NELL1: variants seen among roughly 807,000 people sequenced by gnomAD.
NELL1 encodes neural EGFL like 1, also known as protein kinase C-binding protein NELL1.
NELL1 carries 76 observed loss-of-function variants against 107.4 expected under a neutral mutation model. The ratio of observed to expected loss-of-function variants is 0.71; its 90% confidence interval spans 0.59 to 0.86. The LOEUF is 0.86. Among genes scored for constraint, NELL1 ranks in the 40% least tolerant of loss-of-function variants. The probability of loss-of-function intolerance (pLI) is 0.00; values close to 1 mark genes in which losing one functional copy is unlikely to be tolerated. For missense variants in NELL1, 1,024 were observed against 1,005.5 expected (o/e 1.02, Z -0.25); for synonymous variants, 353 against 341.2 (o/e 1.03, Z -0.38).
intron 3 of NELL1, among the ~76,000 whole-genome samples, chr11:20,810,711 C>G (rs572889818): frequency 6.6e-6 from 1 of 152,240 alleles, no homozygotes; most frequent in East Asian, 1.9e-4. Flanking sequence ...ATAATGACCT[C>G]TTTTCCTCTG....
chr11:21,118,496 T>A (rs1166679300), intron 13 of NELL1, among the ~76,000 whole-genome samples: 1 of 152,112 alleles, frequency 6.6e-6, no homozygotes, highest in Non-Finnish European at 1.5e-5. Context: ...CCATTTTTTA[T>A]AGGCAAAGAA....
At chr11:21,464,638 G>T (rs1853982167) in intron 15 of NELL1, among the ~76,000 whole-genome samples, 1 of 152,014 alleles carries the variant, frequency 6.6e-6, no homozygotes, top group Non-Finnish European at 1.5e-5. Flanking sequence ...CTTTATAAAA[G>T]ATTATTAAAT....
At chr11:21,269,192 A>G (rs1848692016) in intron 14 of NELL1, among the ~76,000 whole-genome samples, 1 of 152,138 alleles carries the variant, frequency 6.6e-6, no homozygotes, top group Admixed American at 6.6e-5. Context: ...GTGTAAATGC[A>G]TATAGTGGGA....
At chr11:20,925,312 G>A (rs781024712) in intron 7 of NELL1, among the ~76,000 whole-genome samples, 6 of 151,894 alleles carry the variant, frequency 4.0e-5, no homozygotes, top group South Asian at 2.1e-4. Context: ...ATGGAGTATC[G>A]CTCTGTTGCC....
chr11:21,262,009 G>A (rs1791822), intron 14 of NELL1, among the ~76,000 whole-genome samples: 55,428 of 151,508 alleles, frequency 0.37, 10,931 homozygotes, highest in Non-Finnish European at 0.45. Flanking sequence ...ATGTTATTAC[G>A]ATTGTGCGTG....
chr11:20,801,112 C>T (rs560178160), intron 3 of NELL1, among the ~76,000 whole-genome samples: 1 of 152,286 alleles, frequency 6.6e-6, no homozygotes, highest in Admixed American at 6.5e-5. Context: ...ACCATAAGGT[C>T]ATGTGTCAAT....
intron 3 of NELL1, among the ~76,000 whole-genome samples, chr11:20,837,907 A>G (rs1423915824): frequency 6.6e-6 from 1 of 152,116 alleles, no homozygotes; most frequent in Non-Finnish European, 1.5e-5. Context: ...TTTCATTTCA[A>G]TATTCCATCC....
intron 15 of NELL1, among the ~76,000 whole-genome samples, chr11:21,449,216 G>A (rs1374508888): frequency 6.6e-6 from 1 of 152,078 alleles, no homozygotes; most frequent in African/African-American, 2.4e-5. Flanking sequence ...ATGTCAACCT[G>A]GGGTACAGTC....
In NELL1 at chr11:20,975,748, A is replaced by AATATACATATTATATATGTATTATATG. The variant is rs1446561411; in HGVS notation, c.1300+15242_1300+15268dup. ...GTATTATATAATGTATGTATTATAT[A>AATATACATATTATATATGTATTATATG]ATATACATATTATATATGTATTATA... On this transcript the variant is annotated intron_variant, in intron 12 of 19. Transcript: ENST00000357134. 5.9e-3 allele frequency among the ~76,000 whole-genome samples: 546 copies of AATATACATATTATATATGTATTATATG among 92,274 alleles called. 9 individuals carry two copies. Among genetic ancestry groups the AATATACATATTATATATGTATTATATG allele is most frequent in the Middle Eastern group, 0.013 (1 of 80 alleles). 60.5% of individuals were successfully genotyped at this position (92,274 alleles called of 152,430 possible).
chr11:20,776,387 C>T (rs940421603), intron 2 of NELL1, among the ~76,000 whole-genome samples: 2 of 152,010 alleles, frequency 1.3e-5, no homozygotes, highest in East Asian at 3.9e-4. Context: ...TGCAGTGAGC[C>T]AAGATCACAC....
At chr11:21,481,734 G>T (rs947697378) in intron 15 of NELL1, among the ~76,000 whole-genome samples, 2 of 152,154 alleles carry the variant, frequency 1.3e-5, no homozygotes, top group African/African-American at 4.8e-5. Context: ...GCTGACTGTA[G>T]GATTGCCTGG....
At chr11:21,448,886 C>T (rs569025471) in intron 15 of NELL1, among the ~76,000 whole-genome samples, 38 of 152,100 alleles carry the variant, frequency 2.5e-4, no homozygotes, top group African/African-American at 6.0e-4. Context: ...TTGCTTCTAT[C>T]GATAGCTTAT....
At chr11:21,309,286 A>ATATATGTGTATATATATATATATATG (rs1849687893) in intron 14 of NELL1, among the ~76,000 whole-genome samples, 1 of 109,206 alleles carries the variant, frequency 9.2e-6, no homozygotes, top group African/African-American at 4.4e-5. Context: ...ATATGTATAT[A>ATATATGTGTATATATATATATATATG]TATATATATA....
At position 20,790,956 on chromosome 11, in the gene NELL1, A is replaced by G. The variant is rs747455936; in HGVS notation, c.335+7126A>G. Among the ~76,000 whole-genome samples, 190 of 152,340 alleles carry G rather than the reference A, an allele frequency of 1.2e-3. 2 individuals are homozygous for G. Among genetic ancestry groups the G allele is most frequent in the Non-Finnish European group, 1.1e-3 (78 of 68,030 alleles). ...ATTTCATTGATCTATATGTTTATCCATATGGAAGTGCTGTTTGATTATTGC... is the reference window on the plus strand; with the variant it reads ...ATTTCATTGATCTATATGTTTATCCGTATGGAAGTGCTGTTTGATTATTGC... On this transcript the variant is annotated intron_variant, in intron 3 of 19. Coordinates refer to ENST00000357134, the MANE Select transcript of NELL1 (RefSeq NM_006157.5).
chr11:20,912,580 G>C (rs1850155773), intron 5 of NELL1, among the ~76,000 whole-genome samples: 1 of 152,080 alleles, frequency 6.6e-6, no homozygotes, highest in African/African-American at 2.4e-5. Context: ...AGGCCTCAGG[G>C]AGACTTCATT....
At chr11:20,920,997 T>A (rs1191259529) in intron 7 of NELL1, among the ~76,000 whole-genome samples, 1 of 152,144 alleles carries the variant, frequency 6.6e-6, no homozygotes, top group Non-Finnish European at 1.5e-5. Context: ...ACTTCCATCT[T>A]TGCTGTGTAA....
At chr11:20,829,692 T>A (rs1344099720) in intron 3 of NELL1, among the ~76,000 whole-genome samples, 1 of 152,174 alleles carries the variant, frequency 6.6e-6, no homozygotes, top group African/African-American at 2.4e-5. Context: ...GACTTTCCTA[T>A]CTTCATGACT....
intron 5 of NELL1, among the ~76,000 whole-genome samples, chr11:20,894,881 G>T (rs1401096196): frequency 6.6e-6 from 1 of 152,102 alleles, no homozygotes; most frequent in South Asian, 2.1e-4. Context: ...TGTATATAAC[G>T]TATAGTGATC....
intron 15 of NELL1, among the ~76,000 whole-genome samples, chr11:21,517,067 G>T (rs1387326549): frequency 6.6e-6 from 1 of 152,128 alleles, no homozygotes; most frequent in Non-Finnish European, 1.5e-5. Context: ...GGGATTAGAG[G>T]CATGAGCTAC....
Sources: allele counts gnomAD v4.1 joint callset (sites outside exome capture counted in the v4.1 genomes callset), GRCh38; gene constraint gnomAD v4.1.1; transcripts MANE v1.5; gene names NCBI Gene and HGNC (gene_info 2026-07-23, HGNC 2026-07-21).